The following KLHL7 variants were observed in gnomAD, a reference collection of about 807,000 sequenced individuals.
KLHL7 encodes kelch like family member 7.
A neutral mutation model predicts 67.4 loss-of-function variants in KLHL7; 44 were observed. The observed-to-expected ratio is 0.65, with a 90% CI of 0.51 to 0.84. The LOEUF is 0.84. KLHL7 is among the 40% of genes least tolerant of loss of function. The pLI is 0.00. For missense variants in KLHL7, 362 were observed against 718.1 expected, an observed-to-expected ratio of 0.50 and a Z score of 5.67; for synonymous variants, 252 against 243.3, an observed-to-expected ratio of 1.04 and a Z score of -0.33.
intron 7 of KLHL7, 119 bp from the exon 8 acceptor site, chr7:23,165,579 T>G (rs1784979029): frequency 2.6e-6 from 3 of 1,163,848 alleles, no homozygotes; most frequent in Non-Finnish European, 3.7e-6. Flanking sequence ...GCCAAACATT[T>G]GTATGTGTAG....
intron 5 of KLHL7, among the ~76,000 whole-genome samples, chr7:23,143,341 AG>A (rs997425546): frequency 2.6e-5 from 4 of 152,224 alleles, no homozygotes; most frequent in African/African-American, 9.6e-5. Context: ...TTTATTTTTA[AG>A]TATAGAATTC....
At chr7:23,150,593 C>G (rs7805071) in intron 6 of KLHL7, among the ~76,000 whole-genome samples, 1 of 151,838 alleles carries the variant, frequency 6.6e-6, no homozygotes, top group East Asian at 1.9e-4. Flanking sequence ...TTTTTAACCA[C>G]TTCCCTAACA....
At chr7:23,170,907 CTT>C (rs34932759) in intron 9 of KLHL7, among the ~76,000 whole-genome samples, 22 of 132,920 alleles carry the variant, frequency 1.7e-4, no homozygotes, top group Admixed American at 3.9e-4. Context: ...TAAGAAATGA[CTT>C]TTTTTTTTTT....
At chr7:23,161,312 A>G (rs1784848648) in intron 7 of KLHL7, among the ~76,000 whole-genome samples, 1 of 152,154 alleles carries the variant, frequency 6.6e-6, no homozygotes, top group African/African-American at 2.4e-5. Context: ...TTATGGAGAT[A>G]TTTTCACATC....
At chr7:23,167,792 G>A (rs773828143) in intron 8 of KLHL7, 44 bp from the exon 9 acceptor site, 24 of 1,566,106 alleles carry the variant, frequency 1.5e-5, no homozygotes, top group Admixed American at 6.7e-5. Context: ...CCAAACCCCC[G>A]CACACACTAA....
At chr7:23,127,873 G>GA (rs34666159) in intron 4 of KLHL7, among the ~76,000 whole-genome samples, 26 of 147,476 alleles carry the variant, frequency 1.8e-4, no homozygotes, top group Non-Finnish European at 2.8e-4. Flanking sequence ...CCCTGTCTTG[G>GA]AAAAAACAAA....
chr7:23,123,179 C>T (rs958480507), intron 1 of KLHL7, among the ~76,000 whole-genome samples: 2 of 152,076 alleles, frequency 1.3e-5, no homozygotes, highest in African/African-American at 4.8e-5. Flanking sequence ...GGCTGCTATC[C>T]AGCTTCTATC....
chr7:23,137,051 A>G (rs1784003094), intron 4 of KLHL7, among the ~76,000 whole-genome samples: 1 of 152,166 alleles, frequency 6.6e-6, no homozygotes, highest in African/African-American at 2.4e-5. Context: ...TTGGGAGGCC[A>G]AGGTGGGCGG....
At chr7:23,109,182 C>T (rs893967911) in intron 1 of KLHL7, among the ~76,000 whole-genome samples, 8 of 152,274 alleles carry the variant, frequency 5.3e-5, no homozygotes, top group South Asian at 2.1e-4. Flanking sequence ...GTTTTTGCTC[C>T]GCATCCCTGC....
At chr7:23,153,956 A>G (rs1448896427) in intron 7 of KLHL7, among the ~76,000 whole-genome samples, 1 of 152,212 alleles carries the variant, frequency 6.6e-6, no homozygotes, top group Non-Finnish European at 1.5e-5. Context: ...AAAGGGCCAG[A>G]GTAAGTATTT....
In KLHL7 at chr7:23,105,786, G is replaced by C; in HGVS notation, c.-241G>C. ...TGCGCAGGCTCCTGGGCAGGGCTCG[G>C]GTTCTGCCCGGGGACGCAGCCCAGT... On this transcript the variant is annotated 5_prime_UTR_variant, in exon 1 of 11. Coordinates refer to ENST00000339077, the MANE Select transcript of KLHL7 (RefSeq NM_001031710.3). 1 of 548,944 alleles carries C rather than the reference G, an allele frequency of 1.8e-6. No homozygotes were observed. Among genetic ancestry groups the C allele is most frequent in the Non-Finnish European group, 3.2e-6 (1 of 308,432 alleles). 34.0% of individuals were successfully genotyped at this position (548,944 alleles called of 1,614,324 possible). A position where few individuals can be genotyped will look rare whatever the true frequency, so the allele number is the denominator to read the frequency against.
intron 4 of KLHL7, among the ~76,000 whole-genome samples, chr7:23,134,723 A>C (rs1419217268): frequency 6.6e-6 from 1 of 152,130 alleles, no homozygotes; most frequent in African/African-American, 2.4e-5. Flanking sequence ...TAAATTTTCC[A>C]ATTTATAGGC....
chr7:23,134,663 T>A (rs1204112311), intron 4 of KLHL7, among the ~76,000 whole-genome samples: 1 of 152,188 alleles, frequency 6.6e-6, no homozygotes, highest in African/African-American at 2.4e-5. Context: ...TTTGTATTAC[T>A]TCCTGATTCA....
intron 1 of KLHL7, among the ~76,000 whole-genome samples, chr7:23,107,697 GAGT>G (rs1782699861): frequency 1.3e-5 from 2 of 152,168 alleles, no homozygotes; most frequent in South Asian, 2.1e-4. Context: ...TTCTGTTACT[GAGT>G]AGGAAGGAAA....
chr7:23,149,632 C>T (rs1431578199), intron 6 of KLHL7, among the ~76,000 whole-genome samples: 1 of 152,220 alleles, frequency 6.6e-6, no homozygotes. Context: ...TGGAAGCACA[C>T]TTCAAGAACT....
Position 23,175,798 on chromosome 7 carries a change from T to A in KLHL7, c.*1500T>A, listed in dbSNP as rs1407668261. On this transcript the variant is annotated 3_prime_UTR_variant, in exon 11 of 11. Coordinates refer to ENST00000339077, the MANE Select transcript of KLHL7 (RefSeq NM_001031710.3). The stretch of plus-strand genomic sequence containing the variant: ...CAACATGATGAGACCCCGTCTCTAC[T>A]AAAAATACAAAAATTAGCCAGGCCT... 6.2e-6 allele frequency: 1 copy of A among 162,156 alleles called. No homozygotes were observed. The highest frequency in any genetic ancestry group is 1.3e-5 in the Non-Finnish European group (1 of 74,144). 10.0% of individuals were successfully genotyped at this position (162,156 alleles called of 1,614,324 possible).
At chr7:23,133,670 G>A (rs1230492375) in intron 4 of KLHL7, among the ~76,000 whole-genome samples, 2 of 152,114 alleles carry the variant, frequency 1.3e-5, no homozygotes, top group African/African-American at 4.8e-5. Flanking sequence ...CTGACCTCAG[G>A]CGATCCGCCC....
In KLHL7 at chr7:23,105,794, C is replaced by T. The variant is rs1003166937; in HGVS notation, c.-233C>T. 1.6e-5 allele frequency: 9 copies of T among 574,524 alleles called. No individual in the cohort carries two copies. Among genetic ancestry groups the T allele is most frequent in the Non-Finnish European group, 2.8e-5 (9 of 327,196 alleles). 35.6% of individuals were successfully genotyped at this position (574,524 alleles called of 1,614,324 possible). On this transcript the variant is annotated 5_prime_UTR_variant, in exon 1 of 11. Transcript: ENST00000339077. ...CTCCTGGGCAGGGCTCGGGTTCTGC[C>T]CGGGGACGCAGCCCAGTTGGTAGCG...
intron 6 of KLHL7, among the ~76,000 whole-genome samples, chr7:23,150,719 C>CA (rs1228231107): frequency 6.6e-6 from 1 of 152,202 alleles, no homozygotes; most frequent in Non-Finnish European, 1.5e-5. Flanking sequence ...TACCCATCCA[C>CA]ATCCCCACCA....
Sources: gnomAD v4.1 joint callset for allele counts (sites outside exome capture counted in the v4.1 genomes callset) on GRCh38, gnomAD v4.1.1 for gene constraint, MANE v1.5 for transcripts, NCBI Gene and HGNC (gene_info 2026-07-23, HGNC 2026-07-21) for gene names.